The following RAB11FIP4 variants were observed in gnomAD, a reference collection of about 807,000 sequenced individuals.
The protein encoded by RAB11FIP4 is rab11 family-interacting protein 4.
In RAB11FIP4, 23 loss-of-function variants were observed where a neutral mutation model predicts 74.3. The ratio of observed to expected loss-of-function variants is 0.31; its 90% CI spans 0.22 to 0.44. RAB11FIP4 has a LOEUF of 0.44. RAB11FIP4 is among the 20% of genes least tolerant of loss of function. RAB11FIP4 has a pLI of 1.00. For synonymous variants in RAB11FIP4, 360 were observed against 359.9 expected, an observed-to-expected ratio of 1.00 and a Z score of 0.00; for missense variants, 630 against 863.9, an observed-to-expected ratio of 0.73 and a Z score of 3.39.
Position 31,517,735 on chromosome 17 carries a change from G to T in RAB11FIP4, c.421G>T (p.Ala141Ser). Residue 141 changes from alanine to serine, a missense_variant, in exon 4 of 15, where the codon GCT becomes TCT. Physicochemically the swap from Ala to Ser is moderately conservative, Grantham distance 99. Coordinates refer to ENST00000621161, the MANE Select transcript of RAB11FIP4 (RefSeq NM_032932.6). ...CTTTTTTCCCGAGGACGAGGAGGAG[G>T]CTATGACGCTGGCGCCACCTGAGGG... Reference protein sequence around the residue: ...PGFFPEDEEEAMTLAPPEGPQ... With the variant: ...PGFFPEDEEESMTLAPPEGPQ... 1 of 1,595,810 alleles carries T rather than the reference G, an allele frequency of 6.3e-7. No individual in the cohort carries two copies. Among genetic ancestry groups the T allele is most frequent in the Non-Finnish European group, 8.5e-7 (1 of 1,171,786 alleles).
intron 1 of RAB11FIP4, among the ~76,000 whole-genome samples, chr17:31,428,385 G>A (rs987838502): frequency 1.3e-5 from 2 of 152,182 alleles, no homozygotes; most frequent in South Asian, 2.1e-4. Context: ...CTGTGATGGC[G>A]TGAACACTGA....
chr17:31,481,839 G>C (rs2071852808), intron 3 of RAB11FIP4, among the ~76,000 whole-genome samples: 1 of 152,156 alleles, frequency 6.6e-6, no homozygotes, highest in Non-Finnish European at 1.5e-5. Context: ...AGAGCTTGGA[G>C]CTTCTGAAGA....
chr17:31,515,679 T>C (rs566490392), intron 3 of RAB11FIP4, among the ~76,000 whole-genome samples: 1 of 152,050 alleles, frequency 6.6e-6, no homozygotes, highest in Non-Finnish European at 1.5e-5. Flanking sequence ...TTTAATAGGG[T>C]GCCCTGCCAG....
chr17:31,462,565 T>C lies in RAB11FIP4; in HGVS notation c.336+28443T>C, dbSNP rs142950476. 2.9e-3 allele frequency among the ~76,000 whole-genome samples: 447 copies of C among 152,280 alleles called. 3 individuals are homozygous for C. Among genetic ancestry groups the C allele is most frequent in the African/African-American group, 9.5e-3 (394 of 41,570 alleles). On this transcript the variant is annotated intron_variant, in intron 3 of 14. Transcript: ENST00000621161. ...AAGCCTCCACCAGCACTCAGTTTCC[T>C]AGCACCAGCCTCGGTCCGGACTCTT...
At chr17:31,446,378 C>T (rs1257359961) in intron 3 of RAB11FIP4, among the ~76,000 whole-genome samples, 1 of 152,084 alleles carries the variant, frequency 6.6e-6, no homozygotes, top group African/African-American at 2.4e-5. Flanking sequence ...TGTGTGCGGC[C>T]GAGCGTCCAC....
At chr17:31,489,942 C>T (rs981895043) in intron 3 of RAB11FIP4, among the ~76,000 whole-genome samples, 2 of 152,172 alleles carry the variant, frequency 1.3e-5, no homozygotes, top group Non-Finnish European at 2.9e-5. Flanking sequence ...CCAGGTGAGC[C>T]AGCTGGAAGG....
At chr17:31,412,000 C>T (rs61243703) in intron 1 of RAB11FIP4, among the ~76,000 whole-genome samples, 2,867 of 152,324 alleles carry the variant, frequency 0.019, 84 homozygotes, top group African/African-American at 0.066. Flanking sequence ...CATGAGGGGC[C>T]GTGTGAGGTT....
intron 3 of RAB11FIP4, among the ~76,000 whole-genome samples, chr17:31,510,325 C>T (rs754576558): frequency 1.3e-5 from 2 of 152,218 alleles, no homozygotes; most frequent in Non-Finnish European, 2.9e-5. Flanking sequence ...AACCGCTGGA[C>T]TCCCCTACAC....
At chr17:31,428,980 T>TGA (rs1202563165) in intron 1 of RAB11FIP4, among the ~76,000 whole-genome samples, 4 of 133,342 alleles carry the variant, frequency 3.0e-5, no homozygotes, top group South Asian at 2.2e-4. Flanking sequence ...ATGATGATGA[T>TGA]TATTATTATT....
chr17:31,530,483 C>T lies in RAB11FIP4; in HGVS notation c.1797+14C>T, dbSNP rs1356227026. ...TCGCGCGATGAGGTAACCACACCAC[C>T]GGCTCTTGCTTTGGGGCCTGGCCGC... On this transcript the variant is annotated intron_variant, in intron 14 of 14. Coordinates refer to ENST00000621161, the MANE Select transcript of RAB11FIP4 (RefSeq NM_032932.6). 10 of 1,605,688 alleles carry T rather than the reference C, an allele frequency of 6.2e-6. No individual in the cohort carries two copies. The highest frequency in any genetic ancestry group is 1.7e-5 in the Admixed American group (1 of 59,840).
At chr17:31,434,507 T>C (rs2074145) in intron 3 of RAB11FIP4, among the ~76,000 whole-genome samples, 86,142 of 151,986 alleles carry the variant, frequency 0.57, 24,837 homozygotes, top group Admixed American at 0.65. Flanking sequence ...TCTCCAATTC[T>C]CTGACACTAA....
chr17:31,394,815 G>C (rs534221487), intron 1 of RAB11FIP4, among the ~76,000 whole-genome samples: 1 of 151,492 alleles, frequency 6.6e-6, no homozygotes, highest in Non-Finnish European at 1.5e-5. Context: ...GGTGGTTTTC[G>C]GCTTATGCTG....
rs1332390996 is a variant in RAB11FIP4 at position 31,505,436 on chromosome 17, T to TCA, written c.337-12215_337-12214insCA. Among the ~76,000 whole-genome samples the TCA allele has an allele frequency of 5.7e-3, 363 of 63,236 alleles. 16 individuals are homozygous for TCA. Among genetic ancestry groups the TCA allele is most frequent in the African/African-American group, 0.027 (349 of 12,724 alleles). 41.5% of individuals were successfully genotyped at this position (63,236 alleles called of 152,430 possible). ...ATTATTATATATTAATATATAATTA[T>TCA]TATATAATATATAATAATTATTATA... is the stretch of plus-strand genomic sequence containing the variant. On this transcript the variant is annotated intron_variant, in intron 3 of 14. Transcript: ENST00000621161.
chr17:31,500,579 T>G (rs1273111640), intron 3 of RAB11FIP4, among the ~76,000 whole-genome samples: 1 of 152,270 alleles, frequency 6.6e-6, no homozygotes, highest in Non-Finnish European at 1.5e-5. Flanking sequence ...AATCGCTGTG[T>G]AGGTAAAATA....
chr17:31,396,530 T>C (rs1286546541), intron 1 of RAB11FIP4, among the ~76,000 whole-genome samples: 1 of 152,182 alleles, frequency 6.6e-6, no homozygotes, highest in African/African-American at 2.4e-5. Flanking sequence ...GGTGCTCTCC[T>C]TGTCATTATT....
At chr17:31,410,837 T>C (rs1431876942) in intron 1 of RAB11FIP4, among the ~76,000 whole-genome samples, 3 of 152,210 alleles carry the variant, frequency 2.0e-5, no homozygotes, top group Non-Finnish European at 4.4e-5. Context: ...TGCCACTCCC[T>C]GCTGGGTGAG....
chr17:31,420,812 G>A (rs570974517), intron 1 of RAB11FIP4, among the ~76,000 whole-genome samples: 21 of 151,792 alleles, frequency 1.4e-4, no homozygotes, highest in Admixed American at 7.9e-4. Flanking sequence ...GGCTGGGTGC[G>A]GTGGCTCATG....
At chr17:31,429,369 T>C (rs185889340) in intron 1 of RAB11FIP4, among the ~76,000 whole-genome samples, 35 of 152,306 alleles carry the variant, frequency 2.3e-4, no homozygotes, top group Admixed American at 1.3e-3. Context: ...AATATCCCAA[T>C]AGACTTGGGT....
intron 1 of RAB11FIP4, among the ~76,000 whole-genome samples, chr17:31,421,923 T>A (rs2071203513): frequency 6.6e-6 from 1 of 152,126 alleles, no homozygotes; most frequent in Non-Finnish European, 1.5e-5. Context: ...CTCATGCCTG[T>A]AATCCCAGCA....
Sources: allele counts gnomAD v4.1 joint callset (sites outside exome capture counted in the v4.1 genomes callset), GRCh38; gene constraint gnomAD v4.1.1; transcripts MANE v1.5; gene names NCBI Gene and HGNC (gene_info 2026-07-23, HGNC 2026-07-21).